PCDHGA3: variants seen among roughly 807,000 people sequenced by gnomAD.
PCDHGA3 encodes protocadherin gamma subfamily A, 3, also known as protocadherin gamma-A3.
A neutral mutation model predicts 58.5 loss-of-function variants in PCDHGA3; 40 were observed. That is an observed-to-expected ratio of 0.68 (90% CI 0.53 to 0.89). The LOEUF (loss-of-function observed/expected upper bound fraction) is 0.89, where lower values mean the gene tolerates loss of function less well. Among genes scored for constraint, PCDHGA3 ranks in the 40% least tolerant of loss-of-function variants. The pLI is 0.00. For missense variants in PCDHGA3, 1,223 were observed against 1,195.9 expected (o/e 1.02, Z -0.33); for synonymous variants, 530 against 525.7 (o/e 1.01, Z -0.11).
At chr5:141,383,138 G>A (rs538619604) in intron 1 of PCDHGA3, 56 of 1,614,132 alleles carry the variant, frequency 3.5e-5, no homozygotes, top group Admixed American at 2.7e-4. Flanking sequence ...CTGAACCAGC[G>A]CAGCGGCAGC....
At chr5:141,413,065 T>A (rs2095601710) in intron 1 of PCDHGA3, 2 of 1,159,986 alleles carry the variant, frequency 1.7e-6, no homozygotes, top group African/African-American at 3.1e-5. Flanking sequence ...CTCCAGAATT[T>A]AAAGTGCCCA....
chr5:141,350,143 G>C lies in PCDHGA3; in HGVS notation c.2424+3686G>C, dbSNP rs189392014. ...TGCACTGAGCACAGACGCTGCTCCT[G>C]TTCACCCTCGAGCGCCTAACTAATA... On this transcript the variant is annotated intron_variant, in intron 1 of 3. Transcript: ENST00000253812. The C allele has an allele frequency of 4.3e-5, 37 of 857,550 alleles. 1 individual carries two copies. The Admixed American group carries it at 9.7e-4, about 22-fold the overall frequency. The allele number at this position is 857,550 out of a possible 1,614,324, so 53.1% of individuals were successfully genotyped here. A position where few individuals can be genotyped will look rare whatever the true frequency, so the allele number is the denominator to read the frequency against.
chr5:141,366,634 G>T, intron 1 of PCDHGA3: 1 of 1,614,220 alleles, frequency 6.2e-7, no homozygotes, highest in African/African-American at 1.3e-5. Context: ...AGAGTCACCT[G>T]ATCTTTCCCC....
intron 1 of PCDHGA3, among the ~76,000 whole-genome samples, chr5:141,347,445 A>C (rs1757967957): frequency 1.3e-5 from 2 of 152,042 alleles, no homozygotes; most frequent in Admixed American, 1.3e-4. Context: ...ATGAGCCACC[A>C]TGCCTGGCCT....
Position 141,432,759 on chromosome 5 carries a change from G to A in PCDHGA3, c.2425-62048G>A. 6.2e-7 allele frequency: 1 copy of A among 1,614,150 alleles called. No individual in the cohort carries two copies. The highest frequency in any genetic ancestry group is 8.5e-7 in the Non-Finnish European group (1 of 1,180,006). On this transcript the variant is annotated intron_variant, in intron 1 of 3. Coordinates refer to ENST00000253812, the MANE Select transcript of PCDHGA3 (RefSeq NM_018916.4). This position sits in a 1 kb window ranked among gnomAD's most constrained non-coding sequence, Gnocchi z 6.0. ...ACGCTCACCGTGGCCGTGGCCGACA[G>A]CATCCCCCAAGTCCTGGCGGACCTC...
At chr5:141,470,900 G>A (rs1454085317) in intron 1 of PCDHGA3, among the ~76,000 whole-genome samples, 4 of 151,832 alleles carry the variant, frequency 2.6e-5, no homozygotes, top group African/African-American at 9.7e-5. Context: ...GTTTTTTGTA[G>A]AGATGGGACT....
At chr5:141,355,408 G>A (rs543235054) in intron 1 of PCDHGA3, 3 of 1,614,114 alleles carry the variant, frequency 1.9e-6, no homozygotes, top group South Asian at 1.1e-5. Flanking sequence ...CGTCTCCAGA[G>A]GTAGGACGCA....
rs1176011355 is a variant in PCDHGA3, at chr5:141,485,491, G to C, written c.2425-9316G>C. Reference sequence around the variant, plus strand: ...TCAGTGCCAGCTGCATCGTGCCCCTGGAGTTTGTCACCGAAGGTCCTTTGG... The same window carrying C: ...TCAGTGCCAGCTGCATCGTGCCCCTCGAGTTTGTCACCGAAGGTCCTTTGG... On this transcript the variant is annotated intron_variant, in intron 1 of 3. Coordinates refer to ENST00000253812, the MANE Select transcript of PCDHGA3 (RefSeq NM_018916.4). This position sits in a 1 kb window ranked among gnomAD's most constrained non-coding sequence, Gnocchi z 5.7. 6.2e-7 allele frequency: 1 copy of C among 1,614,142 alleles called. No homozygotes were observed. The highest frequency in any genetic ancestry group is 1.3e-5 in the African/African-American group (1 of 75,018).
intron 1 of PCDHGA3, chr5:141,423,297 C>T: frequency 1.9e-6 from 3 of 1,614,170 alleles, no homozygotes; most frequent in South Asian, 1.1e-5. Flanking sequence ...CCTCAGACCT[C>T]TCGCTGTACT....
chr5:141,367,937 T>G (rs1345542732), intron 1 of PCDHGA3, among the ~76,000 whole-genome samples: 1 of 152,236 alleles, frequency 6.6e-6, no homozygotes, highest in African/African-American at 2.4e-5. Flanking sequence ...TAAAGATGGT[T>G]CAAAATTTTA....
chr5:141,420,188 A>G (rs775537913), intron 1 of PCDHGA3: 1 of 1,613,848 alleles, frequency 6.2e-7, no homozygotes, highest in South Asian at 1.1e-5. Context: ...TTGTCCAGCC[A>G]CACAAGATAA....
At chr5:141,450,006 CTT>C (rs1554136305) in intron 1 of PCDHGA3, among the ~76,000 whole-genome samples, 13 of 132,938 alleles carry the variant, frequency 9.8e-5, no homozygotes, top group Non-Finnish European at 7.9e-5. Flanking sequence ...TGCCATGTCT[CTT>C]TTTTTTTTTT....
rs758216933 is a variant in PCDHGA3 at position 141,487,377 on chromosome 5, C to A, written c.2425-7430C>A. The A allele has an allele frequency of 2.5e-6, 4 of 1,614,190 alleles. No individual in the cohort carries two copies. In the South Asian group the frequency reaches 3.3e-5, roughly 13 times the overall value. On this transcript the variant is annotated intron_variant, in intron 1 of 3. Transcript: ENST00000253812. This position sits in a 1 kb window ranked among gnomAD's most constrained non-coding sequence, Gnocchi z 5.0. ...CCTGCTGGCACCTGTGCCTGTCTCA[C>A]CAGATCTCGAAGGAGGGAGGGGCTT...
rs1223431294 is a variant in PCDHGA3, at chr5:141,490,280, C to T, written c.2425-4527C>T. ...GATGTGGGGGATGTCAATGACAATG[C>T]CCCAGAGGTGCTATTGGCCTCTTTG... On this transcript the variant is annotated intron_variant, in intron 1 of 3. Transcript: ENST00000253812. The surrounding 1 kb of genome is among the most constrained non-coding windows in gnomAD (Gnocchi z 5.4). The T allele has an allele frequency of 5.6e-6, 9 of 1,614,216 alleles. No individual in the cohort carries two copies. In the East Asian group the frequency reaches 1.8e-4, roughly 32 times the overall value.
rs1221067458 is a variant in PCDHGA3 at position 141,491,658 on chromosome 5, C to T, written c.2425-3149C>T. The T allele has an allele frequency of 3.1e-6, 5 of 1,613,822 alleles. No individual in the cohort carries two copies. The highest frequency in any genetic ancestry group is 2.2e-5 in the South Asian group (2 of 91,088). Reference sequence around the variant, plus strand: ...CCACAGCTCTGGCGCTGGAGCCTGACGCCATCCGGTCCCGCTCTAATACGC... The same window carrying T: ...CCACAGCTCTGGCGCTGGAGCCTGATGCCATCCGGTCCCGCTCTAATACGC... On this transcript the variant is annotated intron_variant, in intron 1 of 3. Coordinates refer to ENST00000253812, the MANE Select transcript of PCDHGA3 (RefSeq NM_018916.4). The surrounding 1 kb of genome is among the most constrained non-coding windows in gnomAD (Gnocchi z 6.9).
At chr5:141,381,496 A>G (rs139374379) in intron 1 of PCDHGA3, among the ~76,000 whole-genome samples, 67 of 152,346 alleles carry the variant, frequency 4.4e-4, no homozygotes, top group African/African-American at 1.4e-3. Flanking sequence ...TCTCAATTAC[A>G]CTAGAATAGA....
At chr5:141,355,112 A>T (rs1371168297) in intron 1 of PCDHGA3, 1 of 1,510,090 alleles carries the variant, frequency 6.6e-7, no homozygotes. Flanking sequence ...CTGTGAATGC[A>T]CTTTATTTTG....
intron 1 of PCDHGA3, chr5:141,360,787 G>T (rs758998647): frequency 1.2e-6 from 2 of 1,613,882 alleles, no homozygotes; most frequent in South Asian, 1.1e-5. Context: ...TGTGGATGGC[G>T]GAGACCCACC....
rs371690754 is a variant in PCDHGA3 at position 141,388,891 on chromosome 5, T to C, written c.2424+42434T>C. 1.9e-5 allele frequency: 31 copies of C among 1,613,872 alleles called. No individual in the cohort carries two copies. Among genetic ancestry groups the C allele is most frequent in the Middle Eastern group, 1.6e-4 (1 of 6,062 alleles). On this transcript the variant is annotated intron_variant, in intron 1 of 3. Coordinates refer to ENST00000253812, the MANE Select transcript of PCDHGA3 (RefSeq NM_018916.4). ...CAATGCACAGTGGAGGTAGAAGTCA[T>C]AGATGAAAATGACAACGCCCCAGAA... is the stretch of plus-strand genomic sequence containing the variant.
Sources: allele counts gnomAD v4.1 joint callset (sites outside exome capture counted in the v4.1 genomes callset), GRCh38; gene constraint gnomAD v4.1.1; non-coding constraint Gnocchi (gnomAD v3.1); transcripts MANE v1.5; gene names NCBI Gene and HGNC (gene_info 2026-07-23, HGNC 2026-07-21).